Variants in EIF4G3 observed in about 807,000 individuals in gnomAD.
EIF4G3 encodes the protein eIF-4-gamma 3.
A neutral mutation model predicts 186.4 loss-of-function variants in EIF4G3; 34 were observed. The ratio of observed to expected loss-of-function variants is 0.18; its 90% CI spans 0.14 to 0.24. The LOEUF (loss-of-function observed/expected upper bound fraction) is 0.24. Among genes scored for constraint, EIF4G3 ranks in the 10% least tolerant of loss-of-function variants. The pLI, the probability that EIF4G3 is intolerant of heterozygous loss-of-function variation, is 1.00. For synonymous variants in EIF4G3, 673 were observed against 679.5 expected (o/e 0.99, Z 0.15); for missense variants, 1,536 against 1,948.5 (o/e 0.79, Z 3.99).
At chr1:20,813,357 A>T in intron 34 of EIF4G3, 118 bp from the exon 35 acceptor site, 6 of 396,320 alleles carry the variant, frequency 1.5e-5, no homozygotes, top group East Asian at 6.0e-5. Context: ...TGAGGCTAGG[A>T]GTTGAGACCA....
At chr1:21,146,039 G>A (rs1339372829) in intron 2 of EIF4G3, among the ~76,000 whole-genome samples, 1 of 152,048 alleles carries the variant, frequency 6.6e-6, no homozygotes, top group African/African-American at 2.4e-5. Flanking sequence ...AGGCTGTAGT[G>A]AGCCAAGATT....
intron 33 of EIF4G3, among the ~76,000 whole-genome samples, chr1:20,820,708 A>G (rs1212542686): frequency 6.6e-6 from 1 of 152,116 alleles, no homozygotes; most frequent in Non-Finnish European, 1.5e-5. Flanking sequence ...CAGCCAGAAC[A>G]GGGTAGCAGA....
chr1:21,123,435 G>A (rs1332715555), intron 2 of EIF4G3, among the ~76,000 whole-genome samples: 4 of 151,588 alleles, frequency 2.6e-5, no homozygotes, highest in East Asian at 1.9e-4. Flanking sequence ...TTGGTGACAC[G>A]CACCTGTAGT....
Position 21,025,342 on chromosome 1 carries a change from T to C in EIF4G3, c.-66-22534A>G, listed in dbSNP as rs115843048. Among the ~76,000 whole-genome samples, 784 of 152,186 alleles carry C rather than the reference T, an allele frequency of 5.2e-3. 7 individuals are homozygous for C. Among genetic ancestry groups the C allele is most frequent in the African/African-American group, 0.018 (753 of 41,504 alleles). On this transcript the variant is annotated intron_variant, in intron 4 of 36. Transcript: ENST00000602326. Reference sequence around the variant, plus strand: ...AAAAAAGAGAGCCATTACAACAATATGAACTCTTAGTGAAGATACTGGTGT... The same window carrying C: ...AAAAAAGAGAGCCATTACAACAATACGAACTCTTAGTGAAGATACTGGTGT...
chr1:20,882,630 C>CA (rs71014128), intron 19 of EIF4G3, among the ~76,000 whole-genome samples: 75,985 of 146,784 alleles, frequency 0.52, 20,294 homozygotes, highest in East Asian at 0.83. Flanking sequence ...CAAAAAAAAA[C>CA]AAAAAAAAAC....
At chr1:20,864,231 T>C (rs572640118) in intron 22 of EIF4G3, among the ~76,000 whole-genome samples, 130 of 152,286 alleles carry the variant, frequency 8.5e-4, no homozygotes, top group African/African-American at 2.9e-3. Flanking sequence ...GAAAAAAGAA[T>C]ATGGGACAAA....
intron 4 of EIF4G3, among the ~76,000 whole-genome samples, chr1:21,021,109 G>C (rs907972677): frequency 2.0e-5 from 3 of 152,032 alleles, no homozygotes; most frequent in African/African-American, 7.2e-5. Context: ...TCAGCCTCCC[G>C]AATACCTGGG....
At chr1:20,952,859 G>GCAAACAAACAAACAAACAAA (rs71014132) in intron 12 of EIF4G3, among the ~76,000 whole-genome samples, 1 of 150,986 alleles carries the variant, frequency 6.6e-6, no homozygotes, top group Non-Finnish European at 1.5e-5. Context: ...TCGAAAACAA[G>GCAAACAAACAAACAAACAAA]CAAACAAACA....
At chr1:20,993,175 A>T (rs934309289) in intron 7 of EIF4G3, among the ~76,000 whole-genome samples, 2 of 152,200 alleles carry the variant, frequency 1.3e-5, no homozygotes, top group African/African-American at 4.8e-5. Context: ...CAGGAAGAAG[A>T]TGTGGCTGAA....
intron 33 of EIF4G3, among the ~76,000 whole-genome samples, chr1:20,824,703 A>G (rs1244337055): frequency 6.6e-6 from 1 of 152,184 alleles, no homozygotes; most frequent in African/African-American, 2.4e-5. Context: ...GTTTCAAGCT[A>G]TAAGCTTGTC....
chr1:21,041,576 T>C (rs2093582456), intron 4 of EIF4G3, among the ~76,000 whole-genome samples: 1 of 152,210 alleles, frequency 6.6e-6, no homozygotes, highest in South Asian at 2.1e-4. Flanking sequence ...TTAAGAGTAG[T>C]AAGATGTGGA....
At chr1:21,168,032 A>T in intron 2 of EIF4G3, 1 of 470,816 alleles carries the variant, frequency 2.1e-6, no homozygotes, top group Non-Finnish European at 4.4e-6. Context: ...AAGGTGAAAA[A>T]ATATTCCCAA....
chr1:20,857,326 TTGTGTGTG>T, intron 25 of EIF4G3, 69 bp downstream of exon 25: 1 of 1,108,326 alleles, frequency 9.0e-7, no homozygotes, highest in Non-Finnish European at 1.4e-6. Flanking sequence ...CTATTGTAAA[TTGTGTGTG>T]TGTGTGTGTG....
intron 22 of EIF4G3, among the ~76,000 whole-genome samples, chr1:20,863,448 T>C (rs1308552915): frequency 7.0e-6 from 1 of 142,970 alleles, no homozygotes; most frequent in African/African-American, 2.5e-5. Flanking sequence ...TTTTTTTCCT[T>C]TTTTTTTTTT....
intron 2 of EIF4G3, among the ~76,000 whole-genome samples, chr1:21,137,762 GTGAGCTACAA>G (rs141004545): frequency 0.029 from 4,318 of 150,350 alleles, 129 homozygotes; most frequent in East Asian, 0.14. Flanking sequence ...CAAGGCTGCA[GTGAGCTACAA>G]TGGGCCACTG....
In EIF4G3 at chr1:21,156,360, TCTTTG is replaced by T. The variant is rs1024442650; in HGVS notation, c.-272+19810_-272+19814del. ...AACCAGACACTGCATAGACTAATAATCTTTGCTTTTCTCTTCCCTCTCTCCATTAT... is the reference window on the plus strand; with the variant it reads ...AACCAGACACTGCATAGACTAATAATCTTTTCTCTTCCCTCTCTCCATTAT... On this transcript the variant is annotated intron_variant, in intron 2 of 36. Coordinates refer to ENST00000602326, the MANE Select transcript of EIF4G3 (RefSeq NM_001391906.1). 2.6e-5 allele frequency among the ~76,000 whole-genome samples: 4 copies of T among 152,280 alleles called. No homozygotes were observed. In the East Asian group the frequency reaches 7.7e-4, roughly 29 times the overall value.
At chr1:20,919,526 C>T (rs2094290901) in intron 14 of EIF4G3, among the ~76,000 whole-genome samples, 1 of 152,110 alleles carries the variant, frequency 6.6e-6, no homozygotes, top group Non-Finnish European at 1.5e-5. Flanking sequence ...TTATCATCAT[C>T]AGTTTATATT....
intron 2 of EIF4G3, among the ~76,000 whole-genome samples, chr1:21,164,235 A>C (rs1385787826): frequency 2.0e-5 from 3 of 152,190 alleles, no homozygotes; most frequent in Admixed American, 1.3e-4. Flanking sequence ...AGGACAGCAA[A>C]ACAGTCAAAT....
intron 22 of EIF4G3, among the ~76,000 whole-genome samples, chr1:20,863,419 G>A (rs1386109859): frequency 3.1e-5 from 4 of 127,986 alleles, no homozygotes; most frequent in African/African-American, 6.0e-5. Context: ...GACAGGGCAA[G>A]ACCCTGTTAC....
Sources: allele counts gnomAD v4.1 joint callset (sites outside exome capture counted in the v4.1 genomes callset), GRCh38; gene constraint gnomAD v4.1.1; transcripts MANE v1.5; gene names NCBI Gene and HGNC (gene_info 2026-07-23, HGNC 2026-07-21).